Variants in GNG4 observed in about 807,000 individuals in gnomAD.
The protein encoded by GNG4 is guanine nucleotide-binding protein G(I)/G(S)/G(O) subunit gamma-4.
Under a neutral mutation model 5.8 loss-of-function variants are expected in GNG4, and 4 were observed. The ratio of observed to expected loss-of-function variants is 0.69; its 90% CI spans 0.34 to 1.57. GNG4 has a LOEUF of 1.57. GNG4 is among the 40% of genes most tolerant of loss of function. The pLI is 0.06. For synonymous variants in GNG4, 29 were observed against 32.9 expected, an observed-to-expected ratio of 0.88 and a Z score of 0.41; for missense variants, 96 against 95.1, an observed-to-expected ratio of 1.01 and a Z score of -0.04.
chr1:235,561,414 ATATAC>A (rs1416901926), intron 3 of GNG4, among the ~76,000 whole-genome samples: 1 of 151,146 alleles, frequency 6.6e-6, no homozygotes, highest in Non-Finnish European at 1.5e-5. Flanking sequence ...CTCTCTATAT[ATATAC>A]ATTTTTTTTT....
chr1:235,605,611 G>A (rs1387933982), intron 1 of GNG4, among the ~76,000 whole-genome samples: 1 of 152,180 alleles, frequency 6.6e-6, no homozygotes, highest in African/African-American at 2.4e-5. Flanking sequence ...TAAGGAGAAG[G>A]TTAGGAAGGG....
chr1:235,614,255 G>A (rs113748329), intron 1 of GNG4, among the ~76,000 whole-genome samples: 8 of 151,622 alleles, frequency 5.3e-5, no homozygotes, highest in South Asian at 2.1e-4. Context: ...GTGATGTTCC[G>A]TCTTTCATTT....
chr1:235,580,765 T>TTC (rs1553366624), intron 3 of GNG4, among the ~76,000 whole-genome samples: 7 of 149,744 alleles, frequency 4.7e-5, no homozygotes, highest in South Asian at 4.3e-4. Flanking sequence ...TTTTTTTTTT[T>TTC]CCTGAGATGG....
intron 2 of GNG4, among the ~76,000 whole-genome samples, chr1:235,585,958 G>A (rs1687748807): frequency 6.6e-6 from 1 of 152,088 alleles, no homozygotes; most frequent in Admixed American, 6.5e-5. Context: ...AAAACATTTA[G>A]AATTTTTAAG....
At chr1:235,595,808 C>A (rs1688109315) in intron 1 of GNG4, among the ~76,000 whole-genome samples, 1 of 152,216 alleles carries the variant, frequency 6.6e-6, no homozygotes, top group Non-Finnish European at 1.5e-5. Context: ...CTCTGCCCCC[C>A]AACACAAGGA....
intron 3 of GNG4, among the ~76,000 whole-genome samples, chr1:235,561,870 T>G (rs1687072223): frequency 6.6e-6 from 1 of 152,372 alleles, no homozygotes; most frequent in Non-Finnish European, 1.5e-5. Flanking sequence ...CTGTTGTATC[T>G]AAAAACTCTT....
intron 3 of GNG4, among the ~76,000 whole-genome samples, chr1:235,571,008 C>T (rs1216784951): frequency 1.5e-5 from 2 of 137,158 alleles, no homozygotes; most frequent in East Asian, 4.3e-4. Flanking sequence ...GCCATGTTGC[C>T]TAGGCTGGTT....
chr1:235,569,457 C>CAAAA (rs10660622), intron 3 of GNG4, among the ~76,000 whole-genome samples: 1 of 139,918 alleles, frequency 7.1e-6, no homozygotes, highest in Admixed American at 7.1e-5. Flanking sequence ...GACCGTGTCT[C>CAAAA]AAAAAAAAAA....
intron 1 of GNG4, among the ~76,000 whole-genome samples, chr1:235,597,827 C>A (rs1017404147): frequency 1.3e-5 from 2 of 151,954 alleles, no homozygotes; most frequent in African/African-American, 2.4e-5. Flanking sequence ...AGGGTTTCAC[C>A]ATGTTGGCCA....
chr1:235,639,219 T>G (rs938945025), intron 1 of GNG4, among the ~76,000 whole-genome samples: 6 of 152,214 alleles, frequency 3.9e-5, no homozygotes, highest in Non-Finnish European at 8.8e-5. Flanking sequence ...GATTCACAGA[T>G]TCACAAGTTC....
In GNG4 at chr1:235,548,350, G is replaced by A. The variant is rs549806039; in HGVS notation, c.*3759C>T. 9.8e-5 allele frequency: 15 copies of A among 152,340 alleles called. No individual in the cohort carries two copies. Among genetic ancestry groups the A allele is most frequent in the South Asian group, 4.1e-4 (2 of 4,826 alleles). The allele number at this position is 152,340 out of a possible 1,614,324, so 9.4% of individuals were successfully genotyped here. ...TAGGTGGAGGCGGAGACAGCTCAGC[G>A]AGTCCAAGGAGTGGAGCAGAAATGA... On this transcript the variant is annotated 3_prime_UTR_variant, in exon 4 of 4. Transcript: ENST00000391854.
chr1:235,592,838 T>A (rs916744294), intron 2 of GNG4, among the ~76,000 whole-genome samples: 2 of 152,184 alleles, frequency 1.3e-5, no homozygotes, highest in Non-Finnish European at 2.9e-5. Context: ...CGGGTCCTCC[T>A]TGCTTGGTGC....
chr1:235,614,452 CTCTT>C (rs1416762109), intron 1 of GNG4, among the ~76,000 whole-genome samples: 1 of 152,148 alleles, frequency 6.6e-6, no homozygotes, highest in Non-Finnish European at 1.5e-5. Context: ...CTCTCTCTCT[CTCTT>C]TAGTTTATTA....
At chr1:235,591,444 A>G (rs1427603591) in intron 2 of GNG4, among the ~76,000 whole-genome samples, 1 of 152,174 alleles carries the variant, frequency 6.6e-6, no homozygotes, top group Admixed American at 6.5e-5. Flanking sequence ...AGACAACCAC[A>G]TGCTTTGAAG....
At chr1:235,623,201 G>A (rs1688744098) in intron 1 of GNG4, among the ~76,000 whole-genome samples, 1 of 152,078 alleles carries the variant, frequency 6.6e-6, no homozygotes, top group Admixed American at 6.6e-5. Flanking sequence ...CCACCACTGT[G>A]CAATTCTGAA....
Position 235,611,663 on chromosome 1 carries a change from G to A in GNG4, c.-122-16152C>T, listed in dbSNP as rs1397729961. ...GGTTGTTTTTTAGCATATTTGAGAAGGGGGAAAGAGCCCACTAACTTTCTG... is the reference window on the plus strand; with the variant it reads ...GGTTGTTTTTTAGCATATTTGAGAAAGGGGAAAGAGCCCACTAACTTTCTG... On this transcript the variant is annotated intron_variant, in intron 1 of 3. Transcript: ENST00000391854. Among the ~76,000 whole-genome samples, 4 of 152,270 alleles carry A rather than the reference G, an allele frequency of 2.6e-5. No individual in the cohort carries two copies. The East Asian group carries it at 5.8e-4, about 22-fold the overall frequency.
intron 2 of GNG4, among the ~76,000 whole-genome samples, chr1:235,589,845 C>T (rs989038431): frequency 6.6e-6 from 1 of 152,134 alleles, no homozygotes; most frequent in Non-Finnish European, 1.5e-5. Context: ...CTGGGTGGGT[C>T]CTTGGAAGTC....
chr1:235,562,569 T>C (rs1177571886), intron 3 of GNG4, among the ~76,000 whole-genome samples: 1 of 145,312 alleles, frequency 6.9e-6, no homozygotes, highest in African/African-American at 2.6e-5. Flanking sequence ...TGCTTGAATC[T>C]GGGAGGCAGA....
intron 3 of GNG4, among the ~76,000 whole-genome samples, chr1:235,557,479 CACAG>C (rs1686947717): frequency 6.8e-6 from 1 of 146,166 alleles, no homozygotes; most frequent in Admixed American, 6.7e-5. Flanking sequence ...ACAGGATGGA[CACAG>C]CCACTGTGGT....
Sources: gnomAD v4.1 joint callset for allele counts (sites outside exome capture counted in the v4.1 genomes callset) on GRCh38, gnomAD v4.1.1 for gene constraint, MANE v1.5 for transcripts, NCBI Gene and HGNC (gene_info 2026-07-23, HGNC 2026-07-21) for gene names.